The following ASTN2 variants were observed in gnomAD, a reference collection of about 807,000 sequenced individuals.
ASTN2 encodes astrotactin 2, also known as astrotactin-2.
In ASTN2, 54 loss-of-function variants were observed where a neutral mutation model predicts 139.8. That is an observed-to-expected ratio of 0.39 (90% CI 0.31 to 0.48). The LOEUF (loss-of-function observed/expected upper bound fraction) is 0.48, where lower values mean the gene tolerates loss of function less well. Among genes scored for constraint, ASTN2 ranks in the 20% least tolerant of loss-of-function variants. ASTN2 has a pLI of 0.95. For synonymous variants in ASTN2, 756 were observed against 719.5 expected, an observed-to-expected ratio of 1.05 and a Z score of -0.81; for missense variants, 1,565 against 1,725.1, an observed-to-expected ratio of 0.91 and a Z score of 1.64.
At chr9:117,004,682 G>C (rs1837304962) in intron 7 of ASTN2, among the ~76,000 whole-genome samples, 1 of 152,130 alleles carries the variant, frequency 6.6e-6, no homozygotes, top group Non-Finnish European at 1.5e-5. Flanking sequence ...CTGTTGTCAT[G>C]GTATTCACGT....
At chr9:117,047,591 A>C (rs141525703) in intron 5 of ASTN2, among the ~76,000 whole-genome samples, 28 of 152,306 alleles carry the variant, frequency 1.8e-4, no homozygotes, top group African/African-American at 6.7e-4. Context: ...TAATGTCTAA[A>C]CAGCCTTTGA....
Position 117,102,769 on chromosome 9 carries a change from G to A in ASTN2, c.1169-6618C>T, listed in dbSNP as rs553440690. Among the ~76,000 whole-genome samples, 21 of 152,224 alleles carry A rather than the reference G, an allele frequency of 1.4e-4. 4 individuals are homozygous for A. Among genetic ancestry groups the A allele is most frequent in the African/African-American group, 5.1e-4 (21 of 41,532 alleles). ...ACTCCTGACCTTAGATGATCTGCCT[G>A]CCTTGGCCTCCCAAAGTGCTGGGAT... is the stretch of plus-strand genomic sequence containing the variant. On this transcript the variant is annotated intron_variant, in intron 4 of 22. Transcript: ENST00000313400.
intron 13 of ASTN2, among the ~76,000 whole-genome samples, chr9:116,767,598 G>A (rs748661282): frequency 9.6e-4 from 146 of 152,290 alleles, no homozygotes; most frequent in Non-Finnish European, 1.7e-3. Context: ...AGAGACAGAC[G>A]GAGACTACAG....
chr9:116,943,285 G>A (rs1835290348), intron 10 of ASTN2, among the ~76,000 whole-genome samples: 1 of 152,096 alleles, frequency 6.6e-6, no homozygotes, highest in South Asian at 2.1e-4. Context: ...AAAGATGTGA[G>A]GTTAGTGCCC....
At chr9:117,239,507 G>A (rs1466276008) in intron 2 of ASTN2, among the ~76,000 whole-genome samples, 1 of 152,190 alleles carries the variant, frequency 6.6e-6, no homozygotes, top group African/African-American at 2.4e-5. Flanking sequence ...TGCCATTGGA[G>A]AAAAGAAGCT....
At chr9:116,748,821 G>C (rs1829322283) in intron 13 of ASTN2, among the ~76,000 whole-genome samples, 2 of 152,152 alleles carry the variant, frequency 1.3e-5, no homozygotes, top group South Asian at 4.1e-4. Flanking sequence ...GTGTGATCTT[G>C]AGCAAGTCAT....
At chr9:116,589,607 C>T (rs181848120) in intron 19 of ASTN2, among the ~76,000 whole-genome samples, 2 of 152,048 alleles carry the variant, frequency 1.3e-5, no homozygotes, top group Admixed American at 1.3e-4. Context: ...ATGGTGGAGG[C>T]GAAGGGAATA....
At chr9:117,347,720 A>C (rs1169140425) in intron 1 of ASTN2, among the ~76,000 whole-genome samples, 1 of 152,220 alleles carries the variant, frequency 6.6e-6, no homozygotes. Flanking sequence ...CTACAACCAC[A>C]CAAAGAAAGC....
intron 19 of ASTN2, among the ~76,000 whole-genome samples, chr9:116,542,395 C>G (rs1020652461): frequency 3.3e-5 from 5 of 152,094 alleles, no homozygotes; most frequent in African/African-American, 1.2e-4. Flanking sequence ...TCTGCCACTT[C>G]AATTGAGCAA....
chr9:116,891,299 T>G (rs1412536731), intron 10 of ASTN2, among the ~76,000 whole-genome samples: 1 of 152,242 alleles, frequency 6.6e-6, no homozygotes, highest in Non-Finnish European at 1.5e-5. Context: ...CGCTTTTGTT[T>G]ACTCAACAGA....
At chr9:116,568,036 T>A (rs1853323346) in intron 19 of ASTN2, among the ~76,000 whole-genome samples, 2 of 152,198 alleles carry the variant, frequency 1.3e-5, no homozygotes, top group Admixed American at 6.5e-5. Context: ...ATTAAACAGC[T>A]AACAAATGGT....
At chr9:116,506,104 T>C (rs1002857369) in intron 19 of ASTN2, among the ~76,000 whole-genome samples, 4 of 152,156 alleles carry the variant, frequency 2.6e-5, no homozygotes, top group Admixed American at 2.6e-4. Flanking sequence ...ATAAGCTCCA[T>C]GATAGGAGCT....
At chr9:116,519,041 C>A (rs954914123) in intron 19 of ASTN2, among the ~76,000 whole-genome samples, 1 of 151,930 alleles carries the variant, frequency 6.6e-6, no homozygotes, top group Non-Finnish European at 1.5e-5. Flanking sequence ...AGATAGACAG[C>A]AACACAATAA....
rs553905740 is a variant in ASTN2, at chr9:116,903,845, C to A, written c.1890-40112G>T. ...TGTTTACCTCTACATCAGGCTGATGCCCTGGGGATGTGCTTCACAGGGGAC... is the reference window on the plus strand; with the variant it reads ...TGTTTACCTCTACATCAGGCTGATGACCTGGGGATGTGCTTCACAGGGGAC... On this transcript the variant is annotated intron_variant, in intron 10 of 22. Coordinates refer to ENST00000313400, the MANE Select transcript of ASTN2 (RefSeq NM_001365068.1). Among the ~76,000 whole-genome samples, 221 of 152,278 alleles carry A rather than the reference C, an allele frequency of 1.5e-3. 1 individual carries two copies. The highest frequency in any genetic ancestry group is 3.3e-3 in the Admixed American group (50 of 15,292).
At chr9:117,016,163 T>C (rs1213385593) in intron 6 of ASTN2, among the ~76,000 whole-genome samples, 2 of 152,098 alleles carry the variant, frequency 1.3e-5, no homozygotes, top group South Asian at 4.1e-4. Context: ...CAGACCCTTT[T>C]GCAGAGATAA....
chr9:116,724,253 A>G (rs866883870), intron 16 of ASTN2, among the ~76,000 whole-genome samples: 1 of 152,208 alleles, frequency 6.6e-6, no homozygotes, highest in South Asian at 2.1e-4. Context: ...GGGTAGCACA[A>G]TGAGACTTCT....
chr9:117,199,621 C>T (rs1204696765), intron 3 of ASTN2, among the ~76,000 whole-genome samples: 1 of 148,246 alleles, frequency 6.7e-6, no homozygotes, highest in African/African-American at 2.5e-5. Flanking sequence ...TCTTCTTTGA[C>T]TCATGTGAAA....
chr9:116,744,946 C>T (rs1829194706), intron 13 of ASTN2, among the ~76,000 whole-genome samples: 1 of 152,166 alleles, frequency 6.6e-6, no homozygotes, highest in African/African-American at 2.4e-5. Context: ...CAGGCCAAGT[C>T]ACCACCCAGA....
At chr9:116,490,139 A>G (rs530554904) in intron 19 of ASTN2, among the ~76,000 whole-genome samples, 1 of 152,200 alleles carries the variant, frequency 6.6e-6, no homozygotes, top group Non-Finnish European at 1.5e-5. Flanking sequence ...TCTTTTATTC[A>G]GCATAATTTT....
Sources: gnomAD v4.1 joint callset for allele counts (sites outside exome capture counted in the v4.1 genomes callset) on GRCh38, gnomAD v4.1.1 for gene constraint, MANE v1.5 for transcripts, NCBI Gene and HGNC (gene_info 2026-07-23, HGNC 2026-07-21) for gene names.